Variants in ARL15 observed in about 807,000 individuals in gnomAD.
ARL15 encodes the protein ARF like GTPase 15, also known as ADP-ribosylation factor-like protein 15.
In ARL15, 19 loss-of-function variants were observed where a neutral mutation model predicts 25.2. The ratio of observed to expected loss-of-function variants is 0.75; its 90% confidence interval spans 0.53 to 1.10. The LOEUF (loss-of-function observed/expected upper bound fraction) is 1.10, where lower values mean the gene tolerates loss of function less well. Ranked by LOEUF, ARL15 falls within the 50% of genes least tolerant of loss-of-function variation. The pLI is 0.00. For synonymous variants in ARL15, 94 were observed against 86.8 expected, an observed-to-expected ratio of 1.08 and a Z score of -0.46; for missense variants, 220 against 246.0, an observed-to-expected ratio of 0.89 and a Z score of 0.71.
At chr5:54,275,215 T>C (rs1241901585) in intron 1 of ARL15, among the ~76,000 whole-genome samples, 2 of 152,202 alleles carry the variant, frequency 1.3e-5, no homozygotes, top group African/African-American at 2.4e-5. Flanking sequence ...ACACTGTCTT[T>C]GAGGTACACT....
intron 4 of ARL15, among the ~76,000 whole-genome samples, chr5:54,035,648 G>A (rs867471196): frequency 2.0e-5 from 3 of 152,036 alleles, no homozygotes; most frequent in Non-Finnish European, 4.4e-5. Flanking sequence ...AAATCTTTAA[G>A]AAATATCTTA....
intron 1 of ARL15, among the ~76,000 whole-genome samples, chr5:54,265,194 T>G (rs1304490480): frequency 6.6e-6 from 1 of 152,232 alleles, no homozygotes; most frequent in African/African-American, 2.4e-5. Flanking sequence ...TGCTGATCCC[T>G]TTCAACATTT....
chr5:53,911,105 T>C (rs560379880), intron 4 of ARL15, among the ~76,000 whole-genome samples: 1 of 152,314 alleles, frequency 6.6e-6, no homozygotes, highest in East Asian at 1.9e-4. Context: ...CCACCAATAT[T>C]CGATCATTCT....
At chr5:54,070,118 C>G (rs1246601425) in intron 4 of ARL15, among the ~76,000 whole-genome samples, 1 of 150,076 alleles carries the variant, frequency 6.7e-6, no homozygotes, top group Admixed American at 6.6e-5. Flanking sequence ...GGGCCAGGTG[C>G]GGTGGCTCAC....
At chr5:54,194,419 C>G (rs1755496226) in intron 1 of ARL15, among the ~76,000 whole-genome samples, 1 of 151,994 alleles carries the variant, frequency 6.6e-6, no homozygotes, top group Non-Finnish European at 1.5e-5. Context: ...TCCATACGGC[C>G]TCACCAAGAA....
chr5:53,902,353 T>G lies in ARL15; in HGVS notation c.463-15640A>C, dbSNP rs1335550019. ...ATTAAACTACTGTCAATTGGCCAAC[T>G]CAAGGGATTCTCTGACTCAACAAAA... On this transcript the variant is annotated intron_variant, in intron 4 of 4. Coordinates refer to ENST00000504924, the MANE Select transcript of ARL15 (RefSeq NM_019087.3). Among the ~76,000 whole-genome samples, 5 of 152,196 alleles carry G rather than the reference T, an allele frequency of 3.3e-5. No homozygotes were observed. The East Asian group carries it at 9.6e-4, about 29-fold the overall frequency.
chr5:53,904,090 C>T (rs1003224416), intron 4 of ARL15, among the ~76,000 whole-genome samples: 3 of 152,170 alleles, frequency 2.0e-5, no homozygotes, highest in Non-Finnish European at 1.5e-5. Flanking sequence ...TAGATAAGGA[C>T]AAATCTATAG....
intron 3 of ARL15, among the ~76,000 whole-genome samples, chr5:54,129,014 G>T (rs1350687922): frequency 1.3e-5 from 2 of 151,874 alleles, no homozygotes; most frequent in African/African-American, 4.8e-5. Context: ...TTACTATTTT[G>T]ATTCTTAAAT....
chr5:54,097,417 G>C (rs1752321476), intron 4 of ARL15, among the ~76,000 whole-genome samples: 1 of 41,160 alleles, frequency 2.4e-5, no homozygotes. Context: ...CAAAGTTTTA[G>C]ATTCTCTCTC....
intron 4 of ARL15, among the ~76,000 whole-genome samples, chr5:54,093,394 G>A (rs1271190764): frequency 6.6e-6 from 1 of 152,036 alleles, no homozygotes; most frequent in Non-Finnish European, 1.5e-5. Context: ...AGAAAACTTG[G>A]GCAGCATTTG....
Position 54,266,412 on chromosome 5 carries a change from C to T in ARL15, c.48+44020G>A, listed in dbSNP as rs72754275. The stretch of plus-strand genomic sequence containing the variant: ...AAAATCACAAAGTAGAGACAAAAAT[C>T]CCAGAGTCACTAAGACCTCCTGGGT... On this transcript the variant is annotated intron_variant, in intron 1 of 4. Coordinates refer to ENST00000504924, the MANE Select transcript of ARL15 (RefSeq NM_019087.3). Among the ~76,000 whole-genome samples the T allele has an allele frequency of 9.7e-3, 1,483 of 152,240 alleles. 9 individuals are homozygous for T. The highest frequency in any genetic ancestry group is 0.02 in the Middle Eastern group (6 of 294).
At chr5:54,215,687 C>G (rs1277895500) in intron 1 of ARL15, among the ~76,000 whole-genome samples, 1 of 151,360 alleles carries the variant, frequency 6.6e-6, no homozygotes, top group Non-Finnish European at 1.5e-5. Context: ...GTTAGGCCAC[C>G]CATTGTATTG....
At chr5:54,156,055 A>G (rs1754223442) in intron 2 of ARL15, among the ~76,000 whole-genome samples, 1 of 152,214 alleles carries the variant, frequency 6.6e-6, no homozygotes, top group South Asian at 2.1e-4. Context: ...AAAATATATA[A>G]AGTATTACAT....
At chr5:54,270,095 A>G (rs551310222) in intron 1 of ARL15, among the ~76,000 whole-genome samples, 20 of 152,370 alleles carry the variant, frequency 1.3e-4, no homozygotes, top group Admixed American at 3.9e-4. Context: ...AAATCATTCA[A>G]TTCTTTGGAC....
At chr5:53,958,393 C>T (rs1010489499) in intron 4 of ARL15, among the ~76,000 whole-genome samples, 8 of 151,818 alleles carry the variant, frequency 5.3e-5, no homozygotes, top group African/African-American at 1.9e-4. Flanking sequence ...AATTGTAATC[C>T]CCATAGTAAG....
chr5:53,912,928 G>A (rs1340338279), intron 4 of ARL15, among the ~76,000 whole-genome samples: 1 of 152,184 alleles, frequency 6.6e-6, no homozygotes, highest in African/African-American at 2.4e-5. Flanking sequence ...CACTAAAATA[G>A]TATGTAGCAT....
At chr5:54,184,604 A>G (rs1415690173) in intron 1 of ARL15, among the ~76,000 whole-genome samples, 1 of 137,446 alleles carries the variant, frequency 7.3e-6, no homozygotes, top group Non-Finnish European at 1.6e-5. Flanking sequence ...TGAAGCTAGA[A>G]AGGCTTATAA....
At chr5:53,985,320 T>C (rs1748257869) in intron 4 of ARL15, among the ~76,000 whole-genome samples, 1 of 152,150 alleles carries the variant, frequency 6.6e-6, no homozygotes, top group Non-Finnish European at 1.5e-5. Flanking sequence ...CAACATAAAA[T>C]TTACCATCTT....
At chr5:54,221,824 T>TGC (rs1491505180) in intron 1 of ARL15, among the ~76,000 whole-genome samples, 2 of 74,682 alleles carry the variant, frequency 2.7e-5, no homozygotes, top group South Asian at 3.9e-4. Context: ...GCAAGAAACA[T>TGC]GCACACACAC....
Sources: allele counts gnomAD v4.1 joint callset (sites outside exome capture counted in the v4.1 genomes callset), GRCh38; gene constraint gnomAD v4.1.1; transcripts MANE v1.5; gene names NCBI Gene and HGNC (gene_info 2026-07-23, HGNC 2026-07-21).